Variants in PSD3 observed in about 807,000 individuals in gnomAD.
The protein encoded by PSD3 is PH and SEC7 domain-containing protein 3.
Under a neutral mutation model 105.5 loss-of-function variants are expected in PSD3, and 49 were observed. That is an observed-to-expected ratio of 0.46 (90% CI 0.37 to 0.59). The LOEUF is 0.59. Ranked by LOEUF, PSD3 falls within the 20% of genes least tolerant of loss-of-function variation. The pLI is 0.00. For synonymous variants in PSD3, 557 were observed against 457.8 expected, an observed-to-expected ratio of 1.22 and a Z score of -2.77; for missense variants, 1,561 against 1,263.8, an observed-to-expected ratio of 1.24 and a Z score of -3.57.
At chr8:18,689,913 A>G (rs779486465) in intron 9 of PSD3, among the ~76,000 whole-genome samples, 1 of 152,218 alleles carries the variant, frequency 6.6e-6, no homozygotes, top group Non-Finnish European at 1.5e-5. Context: ...ACACAGAAAC[A>G]AAGTGACTTG....
At chr8:18,964,004 C>A (rs183232133) in intron 1 of PSD3, among the ~76,000 whole-genome samples, 1 of 152,304 alleles carries the variant, frequency 6.6e-6, no homozygotes, top group East Asian at 1.9e-4. Flanking sequence ...AGTAAGAAGA[C>A]AGCGCACACA....
intron 4 of PSD3, among the ~76,000 whole-genome samples, chr8:18,834,025 G>C (rs1480307474): frequency 2.1e-5 from 3 of 145,786 alleles, no homozygotes; most frequent in Admixed American, 7.1e-5. Context: ...CTAAAATAAG[G>C]AAAGTACAAA....
At chr8:18,714,619 G>T (rs1375567018) in intron 9 of PSD3, among the ~76,000 whole-genome samples, 1 of 152,162 alleles carries the variant, frequency 6.6e-6, no homozygotes, top group Non-Finnish European at 1.5e-5. Context: ...TTATTGCAAA[G>T]TCAAGAAACA....
intron 1 of PSD3, among the ~76,000 whole-genome samples, chr8:19,027,798 G>A (rs1827609690): frequency 6.6e-6 from 1 of 152,156 alleles, no homozygotes; most frequent in Admixed American, 6.5e-5. Context: ...TTATTGGACA[G>A]TGTTCCATTG....
At chr8:18,888,881 T>C (rs886536677) in intron 2 of PSD3, among the ~76,000 whole-genome samples, 1 of 152,112 alleles carries the variant, frequency 6.6e-6, no homozygotes, top group African/African-American at 2.4e-5. Context: ...CTCTTCCTTA[T>C]GCCTGGAATT....
intron 1 of PSD3, among the ~76,000 whole-genome samples, chr8:18,962,903 G>A (rs1824009467): frequency 6.6e-6 from 1 of 152,318 alleles, no homozygotes. Context: ...GTGGAACCAA[G>A]ATATGCCATG....
intron 1 of PSD3, among the ~76,000 whole-genome samples, chr8:18,948,230 T>C (rs1428603448): frequency 6.6e-6 from 1 of 152,216 alleles, no homozygotes; most frequent in African/African-American, 2.4e-5. Flanking sequence ...AATTCACAAA[T>C]GAAGCAGATA....
chr8:18,863,013 G>A (rs1293041483), intron 4 of PSD3, among the ~76,000 whole-genome samples: 8 of 152,058 alleles, frequency 5.3e-5, no homozygotes, highest in South Asian at 4.1e-4. Context: ...TGCCATACCC[G>A]TTAGTATCCC....
In PSD3 at chr8:19,021,570, A is replaced by C. The variant is rs560790329; in HGVS notation, c.324+62636T>G. Among the ~76,000 whole-genome samples, 10 of 152,194 alleles carry C rather than the reference A, an allele frequency of 6.6e-5. No individual in the cohort carries two copies. In the East Asian group the frequency reaches 1.7e-3, roughly 26 times the overall value. The stretch of plus-strand genomic sequence containing the variant: ...TGCTTTTTTGTTACAAAAAAAAAAA[A>C]AACCCATAGCTTCTTGGAATTGTAA... On this transcript the variant is annotated intron_variant, in intron 1 of 1. Transcript: ENST00000521475.
chr8:19,065,020 G>C (rs1282428809), intron 1 of PSD3, among the ~76,000 whole-genome samples: 1 of 152,150 alleles, frequency 6.6e-6, no homozygotes, highest in Non-Finnish European at 1.5e-5. Flanking sequence ...AAATGGGCTA[G>C]TTTTCCAAAA....
chr8:18,756,100 G>A (rs186942902), intron 9 of PSD3, among the ~76,000 whole-genome samples: 12 of 152,164 alleles, frequency 7.9e-5, no homozygotes, highest in Admixed American at 2.0e-4. Context: ...AAGGCTCTCC[G>A]ACTTACACAG....
chr8:18,656,231 T>C (rs1808882635), intron 9 of PSD3, among the ~76,000 whole-genome samples: 1 of 152,116 alleles, frequency 6.6e-6, no homozygotes, highest in African/African-American at 2.4e-5. Flanking sequence ...CTAATTTTTG[T>C]ATTTTTAGTA....
At chr8:18,676,061 A>T (rs528019705) in intron 9 of PSD3, among the ~76,000 whole-genome samples, 1 of 152,254 alleles carries the variant, frequency 6.6e-6, no homozygotes, top group Non-Finnish European at 1.5e-5. Context: ...TTCGGCAGTG[A>T]CTATCTTTAA....
chr8:19,013,025 A>T (rs1388561507), intron 1 of PSD3, among the ~76,000 whole-genome samples: 1 of 152,202 alleles, frequency 6.6e-6, no homozygotes, highest in African/African-American at 2.4e-5. Context: ...AAAAAAATTC[A>T]GAACATCATT....
chr8:18,846,479 C>T (rs1263777938), intron 4 of PSD3, among the ~76,000 whole-genome samples: 1 of 152,090 alleles, frequency 6.6e-6, no homozygotes, highest in Non-Finnish European at 1.5e-5. Context: ...TACAGGGGTT[C>T]GAAGGTTCTA....
chr8:18,807,624 G>A (rs1248331727), intron 4 of PSD3, among the ~76,000 whole-genome samples: 1 of 152,098 alleles, frequency 6.6e-6, no homozygotes, highest in Non-Finnish European at 1.5e-5. Flanking sequence ...AATATCAATG[G>A]CAGAACAGCA....
intron 15 of PSD3, among the ~76,000 whole-genome samples, chr8:18,551,399 T>G (rs1004057697): frequency 1.2e-4 from 18 of 152,358 alleles, no homozygotes; most frequent in African/African-American, 4.3e-4. Flanking sequence ...CCTAATGACT[T>G]TGAATAGAAT....
At chr8:18,605,751 T>C (rs1372093369) in intron 11 of PSD3, among the ~76,000 whole-genome samples, 1 of 152,142 alleles carries the variant, frequency 6.6e-6, no homozygotes, top group Middle Eastern at 3.2e-3. Flanking sequence ...ATCAATGGTT[T>C]AGCACTACCT....
At chr8:19,053,065 G>A (rs1270396222) in intron 1 of PSD3, among the ~76,000 whole-genome samples, 2 of 152,150 alleles carry the variant, frequency 1.3e-5, no homozygotes, top group South Asian at 4.1e-4. Flanking sequence ...AGGAGGGTGA[G>A]TGGCTAGGAG....
Sources: gnomAD v4.1 joint callset for allele counts (sites outside exome capture counted in the v4.1 genomes callset) on GRCh38, gnomAD v4.1.1 for gene constraint, MANE v1.5 for transcripts, NCBI Gene and HGNC (gene_info 2026-07-23, HGNC 2026-07-21) for gene names.